Variants in LAMA2 observed in about 807,000 individuals in gnomAD.
LAMA2 encodes laminin subunit alpha 2.
LAMA2 carries 269 observed loss-of-function variants against 364.8 expected under a neutral mutation model. That is an observed-to-expected ratio of 0.74 (90% CI 0.67 to 0.82). LAMA2 has a LOEUF of 0.82. Among genes scored for constraint, LAMA2 ranks in the 40% least tolerant of loss-of-function variants. The probability of loss-of-function intolerance (pLI) is 0.00; values close to 1 mark genes in which losing one functional copy is unlikely to be tolerated. For synonymous variants in LAMA2, 1,379 were observed against 1,370.6 expected (o/e 1.01, Z -0.14); for missense variants, 3,807 against 3,873.2 (o/e 0.98, Z 0.45).
intron 3 of LAMA2, among the ~76,000 whole-genome samples, chr6:129,096,396 C>T (rs1046816997): frequency 2.6e-5 from 4 of 152,136 alleles, no homozygotes; most frequent in Non-Finnish European, 2.9e-5. Context: ...TAAAAGTCCT[C>T]CTCTTTTCTT....
At chr6:129,101,144 A>G (rs1421631477) in intron 4 of LAMA2, among the ~76,000 whole-genome samples, 1 of 152,232 alleles carries the variant, frequency 6.6e-6, no homozygotes, top group Non-Finnish European at 1.5e-5. Context: ...TAAATAAAAC[A>G]TGATTGCATA....
intron 6 of LAMA2, among the ~76,000 whole-genome samples, chr6:129,148,338 C>T (rs995565616): frequency 2.6e-5 from 4 of 152,070 alleles, no homozygotes; most frequent in African/African-American, 7.2e-5. Context: ...GAACAACACA[C>T]ACCAGGGCCT....
intron 9 of LAMA2, among the ~76,000 whole-genome samples, chr6:129,171,669 C>T (rs1276982716): frequency 1.4e-5 from 2 of 139,870 alleles, no homozygotes; most frequent in East Asian, 2.1e-4. Context: ...TTGCTCTTCT[C>T]GAGGAGTATC....
chr6:128,982,255 T>C (rs1182221357), intron 1 of LAMA2, among the ~76,000 whole-genome samples: 2 of 152,228 alleles, frequency 1.3e-5, no homozygotes, highest in Non-Finnish European at 2.9e-5. Flanking sequence ...CTGCCTGTCT[T>C]AGAGGCAAAC....
chr6:128,961,332 T>TC (rs59921130), intron 1 of LAMA2, among the ~76,000 whole-genome samples: 1 of 36,992 alleles, frequency 2.7e-5, no homozygotes, highest in African/African-American at 1.5e-4. Flanking sequence ...TATATATATA[T>TC]ATATATATAT....
intron 16 of LAMA2, among the ~76,000 whole-genome samples, chr6:129,269,545 T>C (rs1787776203): frequency 6.6e-6 from 1 of 152,082 alleles, no homozygotes; most frequent in South Asian, 2.1e-4. Flanking sequence ...CTCTCAATTA[T>C]GCAAGATTTT....
chr6:128,954,302 G>A (rs759806308), intron 1 of LAMA2, among the ~76,000 whole-genome samples: 1 of 148,036 alleles, frequency 6.8e-6, no homozygotes, highest in Non-Finnish European at 1.5e-5. Flanking sequence ...ACATCATGGA[G>A]CATTAGATTA....
intron 1 of LAMA2, among the ~76,000 whole-genome samples, chr6:128,947,678 G>T (rs13213076): frequency 0.072 from 10,938 of 152,150 alleles, 459 homozygotes; most frequent in South Asian, 0.12. Context: ...AAAAAGAAGA[G>T]CATGGATTTA....
At position 128,987,582 on chromosome 6, in the gene LAMA2, G is replaced by A. The variant is rs549979537; in HGVS notation, c.113-62336G>A. Among the ~76,000 whole-genome samples, 8 of 152,252 alleles carry A rather than the reference G, an allele frequency of 5.3e-5. No individual in the cohort carries two copies. The South Asian group carries it at 1.7e-3, about 32-fold the overall frequency. On this transcript the variant is annotated intron_variant, in intron 1 of 64. Coordinates refer to ENST00000421865, the MANE Select transcript of LAMA2 (RefSeq NM_000426.4). ...TGTGAGAATGTGTTCTGTTTCCATA[G>A]GTTCTCCAACAAATTATATTGCCAA...
chr6:128,982,325 T>A (rs1350233138), intron 1 of LAMA2, among the ~76,000 whole-genome samples: 1 of 152,226 alleles, frequency 6.6e-6, no homozygotes, highest in Non-Finnish European at 1.5e-5. Flanking sequence ...ATACCTACTG[T>A]GTATCTATAG....
chr6:129,104,858 A>T (rs571403549), intron 4 of LAMA2, among the ~76,000 whole-genome samples: 1 of 152,288 alleles, frequency 6.6e-6, no homozygotes, highest in Admixed American at 6.5e-5. Flanking sequence ...CTTAACCCTG[A>T]AACCTAGCAT....
At chr6:129,299,011 G>A (rs758996277) in intron 21 of LAMA2, among the ~76,000 whole-genome samples, 11 of 151,834 alleles carry the variant, frequency 7.2e-5, no homozygotes, top group African/African-American at 1.9e-4. Flanking sequence ...AATTAATGAG[G>A]TAGTATTATA....
chr6:129,353,845 C>T (rs920978051), intron 32 of LAMA2, among the ~76,000 whole-genome samples: 6 of 152,162 alleles, frequency 3.9e-5, no homozygotes, highest in Non-Finnish European at 7.4e-5. Context: ...TCTTGAACTA[C>T]AAAACCCGTA....
chr6:129,344,531 T>C (rs914138269), intron 30 of LAMA2, among the ~76,000 whole-genome samples: 2 of 152,166 alleles, frequency 1.3e-5, no homozygotes, highest in South Asian at 2.1e-4. Flanking sequence ...AATGGAAATA[T>C]GCAAATAGCT....
In LAMA2 at chr6:129,369,913, G is replaced by A. The variant is rs1239378825; in HGVS notation, c.4882G>A (p.Ala1628Thr). The change falls in exon 34 of 65, where the codon GCC (alanine) becomes ACC (threonine). Residue 1628 changes from alanine to threonine, a missense_variant. Ala to Thr is a moderately conservative substitution (Grantham distance 58). Coordinates refer to ENST00000421865, the MANE Select transcript of LAMA2 (RefSeq NM_000426.4). ...ELKHLLSPQR[A>T]PERLIQLAEG... ...TCAGCACTTGCTGTCACCTCAGCGG[G>A]CCCCAGAGAGGCTTATTCAGCTGGC... The A allele has an allele frequency of 4.3e-6, 7 of 1,614,030 alleles. No individual in the cohort carries two copies. The highest frequency in any genetic ancestry group is 5.9e-6 in the Non-Finnish European group (7 of 1,179,958).
chr6:129,304,446 G>T (rs933371136), intron 22 of LAMA2, among the ~76,000 whole-genome samples: 4 of 152,032 alleles, frequency 2.6e-5, no homozygotes, highest in Admixed American at 2.6e-4. Context: ...TGTATTTTTA[G>T]TAGAGACGGG....
intron 12 of LAMA2, among the ~76,000 whole-genome samples, chr6:129,226,011 A>G (rs368346422): frequency 1.3e-5 from 2 of 151,934 alleles, no homozygotes; most frequent in African/African-American, 2.4e-5. Flanking sequence ...TATGAATCTG[A>G]GTGCTCCTGT....
At chr6:129,382,848 A>G (rs1308099728) in intron 34 of LAMA2, among the ~76,000 whole-genome samples, 3 of 152,212 alleles carry the variant, frequency 2.0e-5, no homozygotes. Context: ...TTCAAAAATA[A>G]TTGTGCTTTA....
intron 4 of LAMA2, among the ~76,000 whole-genome samples, chr6:129,128,900 G>T (rs868333841): frequency 6.6e-6 from 1 of 152,122 alleles, no homozygotes; most frequent in Admixed American, 6.5e-5. Flanking sequence ...GAAATACAAA[G>T]ATTTGATTTT....
Sources: gnomAD v4.1 joint callset for allele counts (sites outside exome capture counted in the v4.1 genomes callset) on GRCh38, gnomAD v4.1.1 for gene constraint, MANE v1.5 for transcripts, NCBI Gene and HGNC (gene_info 2026-07-23, HGNC 2026-07-21) for gene names.